Variants in KBTBD12 observed in about 807,000 individuals in gnomAD.
KBTBD12 encodes the protein kelch repeat and BTB domain-containing protein 12.
Under a neutral mutation model 58.7 loss-of-function variants are expected in KBTBD12, and 53 were observed. The observed-to-expected ratio is 0.90, with a 90% CI of 0.72 to 1.14. The LOEUF (loss-of-function observed/expected upper bound fraction) is 1.14, where lower values mean the gene tolerates loss of function less well. KBTBD12 is among the 50% of genes most tolerant of loss of function. The pLI, the probability that KBTBD12 is intolerant of heterozygous loss-of-function variation, is 0.00. For synonymous variants in KBTBD12, 236 were observed against 259.8 expected (o/e 0.91, Z 0.88); for missense variants, 704 against 751.3 (o/e 0.94, Z 0.74).
intron 4 of KBTBD12, among the ~76,000 whole-genome samples, chr3:127,934,981 C>T (rs1236212382): frequency 6.6e-6 from 1 of 152,044 alleles, no homozygotes; most frequent in African/African-American, 2.4e-5. Context: ...AAATGAATAG[C>T]ACAATAAATG....
At chr3:127,961,014 G>T (rs1393634700) in intron 4 of KBTBD12, among the ~76,000 whole-genome samples, 1 of 152,148 alleles carries the variant, frequency 6.6e-6, no homozygotes, top group Non-Finnish European at 1.5e-5. Flanking sequence ...TGCTCCGTGT[G>T]CCCTAACCCA....
chr3:127,975,053 T>C (rs1391227415), intron 5 of KBTBD12, among the ~76,000 whole-genome samples: 1 of 152,192 alleles, frequency 6.6e-6, no homozygotes, highest in Non-Finnish European at 1.5e-5. Context: ...TGAGTGCAAA[T>C]AGTTTTTTGA....
chr3:127,932,025 C>A (rs1044414179), intron 4 of KBTBD12, among the ~76,000 whole-genome samples: 1 of 151,938 alleles, frequency 6.6e-6, no homozygotes, highest in Non-Finnish European at 1.5e-5. Flanking sequence ...AGAAGCAACA[C>A]CATTAAAGAA....
intron 3 of KBTBD12, among the ~76,000 whole-genome samples, chr3:127,929,113 A>T (rs1453480492): frequency 3.9e-5 from 6 of 152,196 alleles, no homozygotes; most frequent in African/African-American, 9.7e-5. Context: ...TAAAATAGAG[A>T]TTAAATACTT....
At chr3:127,944,910 C>T (rs1303488193) in intron 4 of KBTBD12, among the ~76,000 whole-genome samples, 1 of 151,492 alleles carries the variant, frequency 6.6e-6, no homozygotes, top group Non-Finnish European at 1.5e-5. Context: ...GAGAGAGGGT[C>T]TTGCTCTGTT....
In KBTBD12 at chr3:127,956,354, G is replaced by C. The variant is rs1313568050; in HGVS notation, c.1493-6835G>C. Reference sequence around the variant, plus strand: ...GCATTCTATATATTATTGTGACAGTGAGTTAAAAATTACACTTTATTCCAT... The same window carrying C: ...GCATTCTATATATTATTGTGACAGTCAGTTAAAAATTACACTTTATTCCAT... On this transcript the variant is annotated intron_variant, in intron 4 of 5. Coordinates refer to ENST00000405109, the MANE Select transcript of KBTBD12 (RefSeq NM_207335.4). 1.3e-5 allele frequency among the ~76,000 whole-genome samples: 2 copies of C among 151,664 alleles called. 1 individual carries two copies. Among genetic ancestry groups the C allele is most frequent in the Non-Finnish European group, 2.9e-5 (2 of 67,984 alleles).
chr3:127,953,836 T>G (rs1940261968), intron 4 of KBTBD12, among the ~76,000 whole-genome samples: 1 of 152,212 alleles, frequency 6.6e-6, no homozygotes, highest in Non-Finnish European at 1.5e-5. Context: ...TGGTTACATG[T>G]GCATTTTGTC....
chr3:127,973,248 C>A (rs189139396), intron 5 of KBTBD12, among the ~76,000 whole-genome samples: 8 of 152,224 alleles, frequency 5.3e-5, no homozygotes, highest in Non-Finnish European at 1.2e-4. Context: ...AAGTAAACAA[C>A]CCTATGAGGA....
intron 4 of KBTBD12, among the ~76,000 whole-genome samples, chr3:127,954,764 A>G (rs1465080265): frequency 6.6e-6 from 1 of 152,142 alleles, no homozygotes; most frequent in African/African-American, 2.4e-5. Context: ...CCTCCACCCC[A>G]CAAAGCCTAG....
chr3:127,931,494 G>T (rs1939700160), intron 4 of KBTBD12, among the ~76,000 whole-genome samples: 1 of 152,044 alleles, frequency 6.6e-6, no homozygotes, highest in Non-Finnish European at 1.5e-5. Flanking sequence ...TCACTCAAGG[G>T]GATGAAGGGC....
intron 5 of KBTBD12, among the ~76,000 whole-genome samples, chr3:127,976,633 G>A (rs925927460): frequency 6.6e-6 from 1 of 152,162 alleles, no homozygotes; most frequent in Non-Finnish European, 1.5e-5. Context: ...TTTCATCACT[G>A]TGTAGTTATT....
intron 4 of KBTBD12, among the ~76,000 whole-genome samples, chr3:127,931,773 A>G (rs1314560789): frequency 3.3e-5 from 5 of 152,148 alleles, no homozygotes; most frequent in African/African-American, 9.7e-5. Flanking sequence ...TCTAGAAAAG[A>G]GCATGCTCCA....
Position 127,984,528 on chromosome 3 carries a change from C to T in KBTBD12, c.*250C>T. The stretch of plus-strand genomic sequence containing the variant: ...CGGCCACAGGAGGGGCACAGGGCCA[C>T]AGGAGAGCAGCAGAGGGAGGGTCTC... On this transcript the variant is annotated 3_prime_UTR_variant, in exon 6 of 6. Coordinates refer to ENST00000405109, the MANE Select transcript of KBTBD12 (RefSeq NM_207335.4). 1 of 379,336 alleles carries T rather than the reference C, an allele frequency of 2.6e-6. No individual in the cohort carries two copies. The highest frequency in any genetic ancestry group is 4.9e-6 in the Non-Finnish European group (1 of 205,730). The allele number at this position is 379,336 out of a possible 1,614,324, so 23.5% of individuals were successfully genotyped here.
chr3:127,948,568 C>G (rs1197478543), intron 4 of KBTBD12, among the ~76,000 whole-genome samples: 1 of 152,190 alleles, frequency 6.6e-6, no homozygotes, highest in African/African-American at 2.4e-5. Flanking sequence ...GGATAAAGCA[C>G]AGACAAACCC....
At chr3:127,983,898 G>A (rs1233168477) in intron 5 of KBTBD12, among the ~76,000 whole-genome samples, 199 bp from the exon 6 acceptor site, 1 of 152,148 alleles carries the variant, frequency 6.6e-6, no homozygotes, top group Non-Finnish European at 1.5e-5. Flanking sequence ...CCCCAGTCTT[G>A]AACTCTCCAG....
Position 127,963,379 on chromosome 3 carries a change from T to C in KBTBD12, c.1683T>C (p.His561=), listed in dbSNP as rs781768584. ...DGKLYVCGGF[H]GADRHEVISK... Reference sequence around the variant, plus strand: ...AACTCTATGTCTGCGGGGGATTCCATGGAGCAGGTATGGGTCCAGTTTTAA... The same window carrying C: ...AACTCTATGTCTGCGGGGGATTCCACGGAGCAGGTATGGGTCCAGTTTTAA... The change falls in exon 5 of 6, where the codon CAT becomes CAC. Residue 561 remains histidine (H), a synonymous_variant. Coordinates refer to ENST00000405109, the MANE Select transcript of KBTBD12 (RefSeq NM_207335.4). 8.7e-6 allele frequency: 14 copies of C among 1,608,184 alleles called. No homozygotes were observed. Among genetic ancestry groups the C allele is most frequent in the African/African-American group, 2.7e-5 (2 of 74,834 alleles).
chr3:127,926,091 A>G (rs1005383701), intron 2 of KBTBD12, among the ~76,000 whole-genome samples: 1 of 152,000 alleles, frequency 6.6e-6, no homozygotes, highest in African/African-American at 2.4e-5. Flanking sequence ...TAAACTATCA[A>G]TCTCTATTAA....
intron 2 of KBTBD12, among the ~76,000 whole-genome samples, chr3:127,927,461 T>A (rs1939599868): frequency 6.6e-6 from 1 of 152,216 alleles, no homozygotes; most frequent in Non-Finnish European, 1.5e-5. Context: ...CTATCCATTC[T>A]TGATTTTCTT....
In KBTBD12 at chr3:127,984,323, T is replaced by C; in HGVS notation, c.*45T>C. On this transcript the variant is annotated 3_prime_UTR_variant, in exon 6 of 6. Coordinates refer to ENST00000405109, the MANE Select transcript of KBTBD12 (RefSeq NM_207335.4). ...CTCCTGCTGTTCTGCAAACAAGGCC[T>C]TCAGAACGGAGAGGGCCCACAGCAT... 1 of 1,554,676 alleles carries C rather than the reference T, an allele frequency of 6.4e-7. No individual in the cohort carries two copies. The highest frequency in any genetic ancestry group is 8.8e-7 in the Non-Finnish European group (1 of 1,134,916).
Sources: gnomAD v4.1 joint callset for allele counts (sites outside exome capture counted in the v4.1 genomes callset) on GRCh38, gnomAD v4.1.1 for gene constraint, MANE v1.5 for transcripts, NCBI Gene and HGNC (gene_info 2026-07-23, HGNC 2026-07-21) for gene names.